Variants in CFAP157 observed in about 807,000 individuals in gnomAD.
CFAP157 encodes cilia- and flagella-associated protein 157.
In CFAP157, 43 loss-of-function variants were observed where a neutral mutation model predicts 57.8. That is an observed-to-expected ratio of 0.74 (90% CI 0.58 to 0.96). The LOEUF (loss-of-function observed/expected upper bound fraction) is 0.96, where lower values mean the gene tolerates loss of function less well. Among genes scored for constraint, CFAP157 ranks in the 40% least tolerant of loss-of-function variants. The pLI is 0.00. For missense variants in CFAP157, 606 were observed against 655.3 expected, an observed-to-expected ratio of 0.92 and a Z score of 0.82; for synonymous variants, 267 against 269.0, an observed-to-expected ratio of 0.99 and a Z score of 0.07.
Position 127,707,025 on chromosome 9 carries a change from A to G in CFAP157, c.-7A>G, listed in dbSNP as rs901901192. ...CCTGGGGCCTGGAGCCCTGGTTGCC[A>G]TCAGCCATGGCTCCCAAAAAGAGTG... On this transcript the variant is annotated 5_prime_UTR_variant, in exon 1 of 9. Coordinates refer to ENST00000373295, the MANE Select transcript of CFAP157 (RefSeq NM_001012502.3). 3.7e-6 allele frequency: 6 copies of G among 1,613,300 alleles called. No homozygotes were observed. Among genetic ancestry groups the G allele is most frequent in the African/African-American group, 2.7e-5 (2 of 75,024 alleles).
chr9:127,712,131 C>G, intron 5 of CFAP157, 68 bp from the exon 6 acceptor site: 1 of 1,582,358 alleles, frequency 6.3e-7, no homozygotes. Context: ...TGGCAGGGCC[C>G]CTGGCCCCAG....
Position 127,714,174 on chromosome 9 carries a change from A to G in CFAP157, c.*269A>G, listed in dbSNP as rs1483967863. 1 of 1,613,932 alleles carries G rather than the reference A, an allele frequency of 6.2e-7. No homozygotes were observed. Among genetic ancestry groups the G allele is most frequent in the Admixed American group, 1.7e-5 (1 of 60,016 alleles). ...ATCAGGTCGGTGGCTCGATCCAGCA[A>G]CAGAGGCAGCAGCTCCTGCTCAGCA... On this transcript the variant is annotated 3_prime_UTR_variant, in exon 9 of 9. Transcript: ENST00000373295.
At chr9:127,712,671 C>T (rs1842794125) in intron 6 of CFAP157, 38 bp from the exon 7 acceptor site, 1 of 1,613,964 alleles carries the variant, frequency 6.2e-7, no homozygotes, top group East Asian at 2.2e-5. Flanking sequence ...GGTACTGGGG[C>T]CACTGTGGGC....
chr9:127,712,979 G>C, intron 7 of CFAP157, 41 bp from the exon 8 acceptor site: 1 of 1,603,520 alleles, frequency 6.2e-7, no homozygotes, highest in Non-Finnish European at 8.5e-7. Context: ...CAGAAACCTG[G>C]CTCGCCGAAG....
intron 5 of CFAP157, 70 bp downstream of exon 5, chr9:127,712,020 G>A (rs1224280485): frequency 8.4e-6 from 13 of 1,544,328 alleles, no homozygotes; most frequent in East Asian, 4.6e-5. Context: ...AGCTCTTTCC[G>A]ATCCCACGAC....
chr9:127,714,519 G>A lies in CFAP157; in HGVS notation c.*614G>A. The A allele has an allele frequency of 6.3e-7, 1 of 1,592,982 alleles. No homozygotes were observed. The highest frequency in any genetic ancestry group is 8.6e-7 in the Non-Finnish European group (1 of 1,161,142). On this transcript the variant is annotated 3_prime_UTR_variant, in exon 9 of 9. Transcript: ENST00000373295. ...GCTGGGTCAGAGCAGCCCATTTCCT[G>A]TGGAGACTGGGTCAGCAGCCCTACT...
rs1377728324 is a variant in CFAP157, at chr9:127,711,885, G to A, written c.921G>A (p.Leu307=). Residue 307 remains leucine (L), a synonymous_variant, in exon 5 of 9, where the codon CTG becomes CTA. Transcript: ENST00000373295. ...QQQDTKEAEE[L]RLLLSQLEQR... The stretch of plus-strand genomic sequence containing the variant: ...AGGACACCAAGGAGGCCGAGGAGCT[G>A]CGCCTCCTGCTGAGCCAGTTGGAGC... 6.3e-7 allele frequency: 1 copy of A among 1,594,878 alleles called. No homozygotes were observed. Among genetic ancestry groups the A allele is most frequent in the African/African-American group, 1.3e-5 (1 of 74,956 alleles).
Position 127,714,484 on chromosome 9 carries a change from C to T in CFAP157, c.*579C>T. 1 of 1,608,652 alleles carries T rather than the reference C, an allele frequency of 6.2e-7. No individual in the cohort carries two copies. On this transcript the variant is annotated 3_prime_UTR_variant, in exon 9 of 9. Transcript: ENST00000373295. ...CCTGGGGCAGTGTCCTTCCACCCCTCCCTGCCCCGGCTGGGTCAGAGCAGC... is the reference window on the plus strand; with the variant it reads ...CCTGGGGCAGTGTCCTTCCACCCCTTCCTGCCCCGGCTGGGTCAGAGCAGC...
intron 3 of CFAP157, 67 bp from the exon 4 acceptor site, chr9:127,711,162 C>T: frequency 1.3e-6 from 2 of 1,562,050 alleles, no homozygotes; most frequent in Non-Finnish European, 1.7e-6. Context: ...GGGAACCTCA[C>T]AAAGGGGTGT....
rs775852893 is a variant in CFAP157, at chr9:127,711,231, T to C, written c.590T>C (p.Leu197Pro). The change falls in exon 4 of 9, where the codon CTG becomes CCG. Residue 197 changes from leucine to proline, a missense_variant and splice_region_variant. By Grantham distance (98) the Leu-to-Pro change is moderately conservative. Transcript: ENST00000373295. ...EKKSVLDKDR[L>P]RKEIIQRVNL... ...TCCCCTCCCACCTTTCTGGCCAGAC[T>C]GAGGAAAGAGATCATCCAGCGCGTG... is the stretch of plus-strand genomic sequence containing the variant. 9 of 1,613,280 alleles carry C rather than the reference T, an allele frequency of 5.6e-6. No homozygotes were observed. The Admixed American group carries it at 1.2e-4, about 21-fold the overall frequency.
At position 127,714,477 on chromosome 9, in the gene CFAP157, C is replaced by CA. The variant is rs1842866584; in HGVS notation, c.*573dup. 1 of 1,608,598 alleles carries CA rather than the reference C, an allele frequency of 6.2e-7. No homozygotes were observed. On this transcript the variant is annotated 3_prime_UTR_variant, in exon 9 of 9. Transcript: ENST00000373295. ...GTGCCTCCCTGGGGCAGTGTCCTTC[C>CA]ACCCCTCCCTGCCCCGGCTGGGTCA...
chr9:127,713,401 A>AG (rs1842815081), intron 8 of CFAP157, 195 bp downstream of exon 8: 2 of 396,834 alleles, frequency 5.0e-6, no homozygotes, highest in Non-Finnish European at 4.4e-6. Context: ...ATGCCCTGGG[A>AG]GGGGGGTTGG....
chr9:127,715,741 G>A lies in CFAP157; in HGVS notation c.*1836G>A. 2 of 1,537,744 alleles carry A rather than the reference G, an allele frequency of 1.3e-6. No homozygotes were observed. Among genetic ancestry groups the A allele is most frequent in the Non-Finnish European group, 1.7e-6 (2 of 1,147,588 alleles). On this transcript the variant is annotated 3_prime_UTR_variant, in exon 9 of 9. Transcript: ENST00000373295. The surrounding 1 kb of genome is among the most constrained non-coding windows in gnomAD (Gnocchi z 5.8). Reference sequence around the variant, plus strand: ...CGTCCACCGCCAACGTCCAATCCGGGCCGGGCTACGTGGCCGCCATGCTTC... The same window carrying A: ...CGTCCACCGCCAACGTCCAATCCGGACCGGGCTACGTGGCCGCCATGCTTC...
rs752256120 is a variant in CFAP157, at chr9:127,715,631, C to G, written c.*1726C>G. 5.0e-6 allele frequency: 8 copies of G among 1,611,944 alleles called. No individual in the cohort carries two copies. Among genetic ancestry groups the G allele is most frequent in the Non-Finnish European group, 2.5e-6 (3 of 1,179,878 alleles). ...GCTGTCCGGCGCCCAAAAAGCCGCC[C>G]GGCCTCATGCTGCCCCCATTCACTC... On this transcript the variant is annotated 3_prime_UTR_variant, in exon 9 of 9. Transcript: ENST00000373295. This position sits in a 1 kb window ranked among gnomAD's most constrained non-coding sequence, Gnocchi z 5.8.
Position 127,714,830 on chromosome 9 carries a change from A to T in CFAP157, c.*925A>T. On this transcript the variant is annotated 3_prime_UTR_variant, in exon 9 of 9. Coordinates refer to ENST00000373295, the MANE Select transcript of CFAP157 (RefSeq NM_001012502.3). ...TAAAGAAACTGAGGCCCCCCGAAGT[A>T]CCCAAAGCCATGCAGCAACTGGAGC... 1 of 1,049,060 alleles carries T rather than the reference A, an allele frequency of 9.5e-7. No individual in the cohort carries two copies. Among genetic ancestry groups the T allele is most frequent in the Non-Finnish European group, 1.4e-6 (1 of 713,138 alleles). The allele number at this position is 1,049,060 out of a possible 1,614,324, so 65.0% of individuals were successfully genotyped here. A position where few individuals can be genotyped will look rare whatever the true frequency, so the allele number is the denominator to read the frequency against.
Position 127,715,985 on chromosome 9 carries a change from T to G in CFAP157, c.*2080T>G. Reference sequence around the variant, plus strand: ...TGTAGGCCTCAACCTCTCCAGCTAATAAAAGTTTTCTACCTCCCTCCGGCT... The same window carrying G: ...TGTAGGCCTCAACCTCTCCAGCTAAGAAAAGTTTTCTACCTCCCTCCGGCT... On this transcript the variant is annotated 3_prime_UTR_variant, in exon 9 of 9. Coordinates refer to ENST00000373295, the MANE Select transcript of CFAP157 (RefSeq NM_001012502.3). The surrounding 1 kb of genome is among the most constrained non-coding windows in gnomAD (Gnocchi z 5.8). The G allele has an allele frequency of 1.9e-6, 2 of 1,056,012 alleles. No homozygotes were observed. The highest frequency in any genetic ancestry group is 2.8e-6 in the Non-Finnish European group (2 of 710,880). 65.4% of individuals were successfully genotyped at this position (1,056,012 alleles called of 1,614,324 possible).
In CFAP157 at chr9:127,714,390, G is replaced by A; in HGVS notation, c.*485G>A. ...AAGGGTAGACTCACATTGGAGTTGA[G>A]GCAGCTAATGCAGGAACGGACTCCA... is the stretch of plus-strand genomic sequence containing the variant. On this transcript the variant is annotated 3_prime_UTR_variant, in exon 9 of 9. Transcript: ENST00000373295. 1 of 1,614,244 alleles carries A rather than the reference G, an allele frequency of 6.2e-7. No individual in the cohort carries two copies. Among genetic ancestry groups the A allele is most frequent in the Non-Finnish European group, 8.5e-7 (1 of 1,180,038 alleles).
chr9:127,710,866 C>T (rs1204780729), intron 3 of CFAP157, 112 bp downstream of exon 3: 4 of 1,234,804 alleles, frequency 3.2e-6, no homozygotes, highest in Non-Finnish European at 3.4e-6. Context: ...GGGAAACTGA[C>T]CGCCGCCCCG....
In CFAP157 at chr9:127,712,873, G is replaced by A. The variant is rs747094996; in HGVS notation, c.1302G>A (p.Glu434=). The A allele has an allele frequency of 1.9e-6, 3 of 1,609,812 alleles. No individual in the cohort carries two copies. Among genetic ancestry groups the A allele is most frequent in the East Asian group, 2.2e-5 (1 of 44,630 alleles). The change falls in exon 7 of 9, where the codon GAG becomes GAA. Residue 434 remains glutamate (E), a splice_region_variant and synonymous_variant. Coordinates refer to ENST00000373295, the MANE Select transcript of CFAP157 (RefSeq NM_001012502.3). ...QESQSHGPPK[E]SRPSIQLPRT... ...CACAGTCCCATGGCCCACCCAAGGA[G>A]AGGTAAGCAAGTGGCCCTGTGTGGC...
Sources: gnomAD v4.1 joint callset for allele counts on GRCh38, gnomAD v4.1.1 for gene constraint, Gnocchi (gnomAD v3.1) non-coding constraint, MANE v1.5 for transcripts, NCBI Gene and HGNC (gene_info 2026-07-23, HGNC 2026-07-21) for gene names.